The following CDH13 variants were observed in gnomAD, a reference collection of about 807,000 sequenced individuals.
The protein encoded by CDH13 is cadherin 13.
In CDH13, 24 loss-of-function variants were observed where a neutral mutation model predicts 63.8. The observed-to-expected ratio is 0.38, with a 90% CI of 0.27 to 0.53. The LOEUF is 0.53. Ranked by LOEUF, CDH13 falls within the 20% of genes least tolerant of loss-of-function variation. The pLI is 0.85. For missense variants in CDH13, 1,049 were observed against 903.1 expected, an observed-to-expected ratio of 1.16 and a Z score of -2.07; for synonymous variants, 503 against 355.3, an observed-to-expected ratio of 1.42 and a Z score of -4.67.
chr16:83,218,780 A>C (rs2039613169), intron 5 of CDH13, among the ~76,000 whole-genome samples: 1 of 152,164 alleles, frequency 6.6e-6, no homozygotes, highest in Non-Finnish European at 1.5e-5. Flanking sequence ...TGTAGCTCTG[A>C]GAATTCACAC....
Position 82,858,418 on chromosome 16 carries a change from A to G in CDH13, c.102A>G (p.Lys34=). ...ACTGCACTCCTGGATTTCAGCAGAA[A>G]GTGTTCCATATCAATCAGCCAGCTG... The part of the protein sequence containing the change: ...DLDCTPGFQQ[K]VFHINQPAEF... Residue 34 remains lysine (K), a synonymous_variant, in exon 2 of 14, where the codon AAA becomes AAG. Transcript: ENST00000567109. 6.2e-7 allele frequency: 1 copy of G among 1,613,894 alleles called. No homozygotes were observed. The highest frequency in any genetic ancestry group is 8.5e-7 in the Non-Finnish European group (1 of 1,179,762).
At chr16:83,783,531 G>A (rs1915678007) in intron 13 of CDH13, 59 bp downstream of exon 13, 18 of 1,312,454 alleles carry the variant, frequency 1.4e-5, no homozygotes, top group South Asian at 4.7e-5. Flanking sequence ...CACTGGGTTC[G>A]TGAAGCCAGC....
chr16:82,710,606 A>G (rs2031862493), intron 1 of CDH13, among the ~76,000 whole-genome samples: 1 of 142,664 alleles, frequency 7.0e-6, no homozygotes, highest in Non-Finnish European at 1.5e-5. Context: ...TAAAATATAT[A>G]AAGTATATAT....
In CDH13 at chr16:83,116,811, G is replaced by A. The variant is rs1314721109; in HGVS notation, c.367-8574G>A. 2.0e-5 allele frequency among the ~76,000 whole-genome samples: 3 copies of A among 152,156 alleles called. No individual in the cohort carries two copies. The East Asian group carries it at 5.8e-4, about 29-fold the overall frequency. ...ATAATACTTTTAAAATACTGCAGGCGAGAGGGGCTCCAGCCAGAGAAATTG... is the reference window on the plus strand; with the variant it reads ...ATAATACTTTTAAAATACTGCAGGCAAGAGGGGCTCCAGCCAGAGAAATTG... On this transcript the variant is annotated intron_variant, in intron 3 of 13. Transcript: ENST00000567109.
chr16:82,704,051 C>A (rs2031278539), intron 1 of CDH13, among the ~76,000 whole-genome samples: 1 of 152,130 alleles, frequency 6.6e-6, no homozygotes, highest in Admixed American at 6.5e-5. Flanking sequence ...AATAAAAAAA[C>A]CCATGACACT....
chr16:83,556,009 G>A (rs2075594004), intron 7 of CDH13, among the ~76,000 whole-genome samples: 1 of 152,106 alleles, frequency 6.6e-6, no homozygotes, highest in Non-Finnish European at 1.5e-5. Flanking sequence ...GGTTTTAACT[G>A]TTTCACTCCC....
intron 4 of CDH13, among the ~76,000 whole-genome samples, chr16:83,189,218 C>T (rs946309445): frequency 5.3e-5 from 8 of 152,114 alleles, no homozygotes; most frequent in East Asian, 1.9e-4. Flanking sequence ...TGTAGATTTC[C>T]GCCGTCTGTG....
intron 4 of CDH13, among the ~76,000 whole-genome samples, chr16:83,216,956 T>C (rs2039554273): frequency 6.6e-6 from 1 of 152,276 alleles, no homozygotes; most frequent in Non-Finnish European, 1.5e-5. Context: ...TCTTGATCAA[T>C]GCATGCGCAG....
At chr16:83,523,391 C>T (rs1296978653) in intron 7 of CDH13, among the ~76,000 whole-genome samples, 1 of 152,352 alleles carries the variant, frequency 6.6e-6, no homozygotes, top group African/African-American at 2.4e-5. Context: ...CCATGCTCTT[C>T]AATCCTGATA....
At chr16:83,559,715 T>C (rs1415944804) in intron 7 of CDH13, among the ~76,000 whole-genome samples, 1 of 152,098 alleles carries the variant, frequency 6.6e-6, no homozygotes, top group African/African-American at 2.4e-5. Context: ...TTTTTCACCT[T>C]AATTCTAACC....
chr16:83,568,658 G>A (rs949138090), intron 7 of CDH13, among the ~76,000 whole-genome samples: 1 of 152,166 alleles, frequency 6.6e-6, no homozygotes, highest in African/African-American at 2.4e-5. Flanking sequence ...TGGTAGATGG[G>A]AAGGACTGAG....
chr16:83,651,694 C>T (rs761613970), intron 8 of CDH13, among the ~76,000 whole-genome samples: 2 of 137,272 alleles, frequency 1.5e-5, no homozygotes, highest in South Asian at 4.8e-4. Flanking sequence ...CTCCCAGGTT[C>T]AAGAAATTCT....
chr16:83,183,442 A>G (rs973378173), intron 4 of CDH13, among the ~76,000 whole-genome samples: 1 of 152,208 alleles, frequency 6.6e-6, no homozygotes, highest in African/African-American at 2.4e-5. Flanking sequence ...GAAGATCTAT[A>G]ATTAAATCTG....
At chr16:83,548,276 T>G (rs2150665631) in intron 7 of CDH13, among the ~76,000 whole-genome samples, 1 of 152,298 alleles carries the variant, frequency 6.6e-6, no homozygotes, top group East Asian at 1.9e-4. Context: ...GGGACAGTTG[T>G]GTCTTCCAAG....
At chr16:83,216,422 A>T (rs866306676) in intron 4 of CDH13, among the ~76,000 whole-genome samples, 2 of 97,554 alleles carry the variant, frequency 2.1e-5, no homozygotes, top group African/African-American at 3.8e-5. Flanking sequence ...ATATATATAT[A>T]TATATATATA....
chr16:83,235,269 A>T (rs1449784056), intron 5 of CDH13, among the ~76,000 whole-genome samples: 1 of 152,196 alleles, frequency 6.6e-6, no homozygotes, highest in Non-Finnish European at 1.5e-5. Context: ...CCTCCAATGC[A>T]CAGGTCAGCC....
In CDH13 at chr16:83,233,339, G is replaced by C. The variant is rs546639174; in HGVS notation, c.636+15842G>C. On this transcript the variant is annotated intron_variant, in intron 5 of 13. Transcript: ENST00000567109. ...ATGTTGATGATCATAAGCAGTGCTT[G>C]CAGGCTTGGCTAGTCCTTCACAGAT... 2.6e-5 allele frequency among the ~76,000 whole-genome samples: 4 copies of C among 152,334 alleles called. No homozygotes were observed. The South Asian group carries it at 8.3e-4, about 32-fold the overall frequency.
chr16:82,801,464 C>A (rs957536158), intron 1 of CDH13, among the ~76,000 whole-genome samples: 3 of 152,194 alleles, frequency 2.0e-5, no homozygotes, highest in Non-Finnish European at 4.4e-5. Context: ...ACATCTCTGG[C>A]CCTCCCCACC....
intron 5 of CDH13, among the ~76,000 whole-genome samples, chr16:83,236,484 T>C (rs2040148022): frequency 1.3e-5 from 2 of 152,192 alleles, no homozygotes; most frequent in South Asian, 2.1e-4. Context: ...TTGAATAATA[T>C]TGTGAGAAAA....
Sources: allele counts gnomAD v4.1 joint callset (sites outside exome capture counted in the v4.1 genomes callset), GRCh38; gene constraint gnomAD v4.1.1; transcripts MANE v1.5; gene names NCBI Gene and HGNC (gene_info 2026-07-23, HGNC 2026-07-21).